Variants in SH3BGR observed in about 807,000 individuals in gnomAD.
SH3BGR encodes the protein SH3 domain-binding glutamic acid-rich protein.
A neutral mutation model predicts 24.5 loss-of-function variants in SH3BGR; 29 were observed. The observed-to-expected ratio is 1.18, with a 90% CI of 0.88 to 1.61. The LOEUF is 1.61. SH3BGR is among the 40% of genes most tolerant of loss of function. The probability of loss-of-function intolerance (pLI) is 0.00; values close to 1 mark genes in which losing one functional copy is unlikely to be tolerated. For missense variants in SH3BGR, 162 were observed against 205.8 expected, an observed-to-expected ratio of 0.79 and a Z score of 1.30; for synonymous variants, 55 against 65.7, an observed-to-expected ratio of 0.84 and a Z score of 0.79.
chr21:39,508,331 G>A (rs2078619373), intron 4 of SH3BGR, among the ~76,000 whole-genome samples: 1 of 152,186 alleles, frequency 6.6e-6, no homozygotes, highest in East Asian at 1.9e-4. Context: ...TTTCTTCTTA[G>A]AGGCATTTTT....
chr21:39,513,765 A>G (rs1187425187), intron 6 of SH3BGR, among the ~76,000 whole-genome samples: 1 of 152,202 alleles, frequency 6.6e-6, no homozygotes, highest in East Asian at 1.9e-4. Flanking sequence ...GATTATATTT[A>G]TCCTCATACC....
intron 6 of SH3BGR, among the ~76,000 whole-genome samples, chr21:39,513,892 A>G (rs951976243): frequency 6.6e-6 from 1 of 152,216 alleles, no homozygotes; most frequent in African/African-American, 2.4e-5. Context: ...TGTGATAATT[A>G]TAAAGAAATA....
At chr21:39,476,953 G>A (rs960490777) in intron 3 of SH3BGR, among the ~76,000 whole-genome samples, 1 of 152,066 alleles carries the variant, frequency 6.6e-6, no homozygotes, top group Non-Finnish European at 1.5e-5. Flanking sequence ...AAGGGGAGAC[G>A]GTAGTAGAAA....
chr21:39,515,235 C>A lies in SH3BGR; in HGVS notation c.*182C>A. The A allele has an allele frequency of 2.5e-6, 1 of 398,790 alleles. No homozygotes were observed. Among genetic ancestry groups the A allele is most frequent in the Non-Finnish European group, 5.2e-6 (1 of 193,056 alleles). 24.7% of individuals were successfully genotyped at this position (398,790 alleles called of 1,614,324 possible). On this transcript the variant is annotated 3_prime_UTR_variant, in exon 7 of 7. Coordinates refer to ENST00000333634, the MANE Select transcript of SH3BGR (RefSeq NM_007341.3). The stretch of plus-strand genomic sequence containing the variant: ...ATGTACATGGAGGTATCTCCCGAAT[C>A]ATACAAAATTAAATGTGAAGACCGT...
At chr21:39,461,587 A>C (rs1385510594) in intron 1 of SH3BGR, among the ~76,000 whole-genome samples, 2 of 152,216 alleles carry the variant, frequency 1.3e-5, no homozygotes, top group African/African-American at 4.8e-5. Context: ...TGTGAGGTAC[A>C]GACAGCTAGG....
intron 5 of SH3BGR, among the ~76,000 whole-genome samples, chr21:39,509,964 ACGG>A (rs2078648832): frequency 7.9e-6 from 1 of 126,692 alleles, no homozygotes; most frequent in Non-Finnish European, 1.6e-5. Context: ...TTTTTTTGAG[ACGG>A]AGTCCCGCTG....
At chr21:39,465,775 A>G (rs949375772) in intron 2 of SH3BGR, among the ~76,000 whole-genome samples, 2 of 151,976 alleles carry the variant, frequency 1.3e-5, no homozygotes, top group South Asian at 2.1e-4. Flanking sequence ...TATTTTTTGT[A>G]GAGATAGGGT....
Position 39,480,300 on chromosome 21 carries a change from G to A in SH3BGR, c.312+5085G>A, listed in dbSNP as rs1490095499. ...CACCACTGTCTACTTCCAAAATACT[G>A]TAATCATCCTTAAAAGAAACCCAGT... is the stretch of plus-strand genomic sequence containing the variant. On this transcript the variant is annotated intron_variant, in intron 3 of 6. Coordinates refer to ENST00000333634, the MANE Select transcript of SH3BGR (RefSeq NM_007341.3). Among the ~76,000 whole-genome samples the A allele has an allele frequency of 2.6e-5, 4 of 152,240 alleles. No individual in the cohort carries two copies. The South Asian group carries it at 8.3e-4, about 32-fold the overall frequency.
intron 3 of SH3BGR, among the ~76,000 whole-genome samples, chr21:39,485,311 T>C (rs540680530): frequency 6.6e-6 from 1 of 152,200 alleles, no homozygotes; most frequent in Non-Finnish European, 1.5e-5. Flanking sequence ...TGTATTCTGA[T>C]TGAATAAGCA....
chr21:39,479,052 G>A (rs2123405863), intron 3 of SH3BGR, among the ~76,000 whole-genome samples: 1 of 152,234 alleles, frequency 6.6e-6, no homozygotes, highest in South Asian at 2.1e-4. Flanking sequence ...GATGTTTGGT[G>A]ATCTTTGACT....
chr21:39,510,955 A>C (rs1054296541), intron 5 of SH3BGR, among the ~76,000 whole-genome samples: 1 of 88,216 alleles, frequency 1.1e-5, no homozygotes, highest in Non-Finnish European at 2.2e-5. Flanking sequence ...ATACTTTCTG[A>C]ATTTGTAAAG....
At chr21:39,508,420 A>G (rs1383117583) in intron 4 of SH3BGR, among the ~76,000 whole-genome samples, 1 of 152,144 alleles carries the variant, frequency 6.6e-6, no homozygotes, top group Non-Finnish European at 1.5e-5. Context: ...CACAGTAGAG[A>G]CCTATTTGAG....
chr21:39,507,522 G>A (rs370899518), intron 4 of SH3BGR, among the ~76,000 whole-genome samples: 19 of 151,976 alleles, frequency 1.3e-4, no homozygotes, highest in African/African-American at 4.3e-4. Flanking sequence ...TAATAGAGAC[G>A]GGGTTTTTCC....
At chr21:39,473,281 G>C (rs561192172) in intron 2 of SH3BGR, among the ~76,000 whole-genome samples, 3 of 152,258 alleles carry the variant, frequency 2.0e-5, no homozygotes, top group Non-Finnish European at 4.4e-5. Flanking sequence ...AACTAAAGAA[G>C]TTTTCAGAAC....
chr21:39,511,841 C>T lies in SH3BGR; in HGVS notation c.*34+32C>T. 1 of 1,576,946 alleles carries T rather than the reference C, an allele frequency of 6.3e-7. No homozygotes were observed. The highest frequency in any genetic ancestry group is 8.6e-7 in the Non-Finnish European group (1 of 1,165,228). ...ACAGGATTCTGGGGTGGAAAAGCTG[C>T]TAGTTACCGTACTGTATGCTATCTG... On this transcript the variant is annotated intron_variant, in intron 6 of 6. Transcript: ENST00000333634. The surrounding 1 kb of genome is among the most constrained non-coding windows in gnomAD (Gnocchi z 4.2).
chr21:39,459,090 A>G (rs2077712295), intron 1 of SH3BGR, among the ~76,000 whole-genome samples: 1 of 151,548 alleles, frequency 6.6e-6, no homozygotes, highest in South Asian at 2.1e-4. Flanking sequence ...CACATGAAGG[A>G]CTTGGCACAA....
rs1414359128 is a variant in SH3BGR at position 39,488,564 on chromosome 21, C to G, written c.313-11259C>G. On this transcript the variant is annotated intron_variant, in intron 3 of 6. Transcript: ENST00000333634. ...CCATGCTGCAGACTGTGGCCAGGAACAAGGACTAGGGTGCCTAGTTTTAGG... is the reference window on the plus strand; with the variant it reads ...CCATGCTGCAGACTGTGGCCAGGAAGAAGGACTAGGGTGCCTAGTTTTAGG... 1.6e-5 allele frequency: 5 copies of G among 309,216 alleles called. No individual in the cohort carries two copies. The East Asian group carries it at 3.2e-4, about 20-fold the overall frequency. 19.2% of individuals were successfully genotyped at this position (309,216 alleles called of 1,614,324 possible).
rs146332365 is a variant in SH3BGR, at chr21:39,469,387, C to G, written c.232-5748C>G. Among the ~76,000 whole-genome samples, 26 of 150,180 alleles carry G rather than the reference C, an allele frequency of 1.7e-4. No individual in the cohort carries two copies. In the East Asian group the frequency reaches 4.5e-3, roughly 26 times the overall value. Reference sequence around the variant, plus strand: ...TTTTTGGTCTTTTGGCTTATTGATTCTTTCTGATCTCTCTATACTTATATC... The same window carrying G: ...TTTTTGGTCTTTTGGCTTATTGATTGTTTCTGATCTCTCTATACTTATATC... On this transcript the variant is annotated intron_variant, in intron 2 of 6. Transcript: ENST00000333634.
intron 2 of SH3BGR, among the ~76,000 whole-genome samples, chr21:39,467,504 A>G (rs1193636564): frequency 2.0e-5 from 3 of 152,186 alleles, no homozygotes; most frequent in African/African-American, 7.2e-5. Flanking sequence ...AAGTATATTC[A>G]TGAAGAAGAG....
Sources: gnomAD v4.1 joint callset for allele counts (sites outside exome capture counted in the v4.1 genomes callset) on GRCh38, gnomAD v4.1.1 for gene constraint, Gnocchi (gnomAD v3.1) non-coding constraint, MANE v1.5 for transcripts, NCBI Gene and HGNC (gene_info 2026-07-23, HGNC 2026-07-21) for gene names.